Variants in SLC25A48 observed in about 807,000 individuals in gnomAD.
The protein encoded by SLC25A48 is solute carrier family 25 member 48, also known as CTC-321K16.1.
A neutral mutation model predicts 32.2 loss-of-function variants in SLC25A48; 29 were observed. That is an observed-to-expected ratio of 0.90 (90% CI 0.67 to 1.23). The LOEUF (loss-of-function observed/expected upper bound fraction) is 1.23, where lower values mean the gene tolerates loss of function less well. Ranked by LOEUF, SLC25A48 falls within the 50% of genes most tolerant of loss-of-function variation. SLC25A48 has a pLI of 0.00. For missense variants in SLC25A48, 399 were observed against 422.7 expected (o/e 0.94, Z 0.49); for synonymous variants, 164 against 172.3 (o/e 0.95, Z 0.38).
chr5:135,795,495 C>T lies in SLC25A48; in HGVS notation c.-520-17028C>T, dbSNP rs574948469. ...CCCATGGGGTGTGCACCCCTCCTGT[C>T]ATATTATTCCCAATATTTAGAGGAA... On this transcript the variant is annotated intron_variant, in intron 3 of 10. Transcript: ENST00000646290. Among the ~76,000 whole-genome samples, 8 of 151,820 alleles carry T rather than the reference C, an allele frequency of 5.3e-5. No homozygotes were observed. In the South Asian group the frequency reaches 1.7e-3, roughly 31 times the overall value.
intron 1 of SLC25A48, among the ~76,000 whole-genome samples, chr5:135,837,061 A>AT (rs11320274): frequency 2.0e-5 from 3 of 147,176 alleles, no homozygotes; most frequent in Non-Finnish European, 4.4e-5. Flanking sequence ...TTATAATCCC[A>AT]TTTTTTTAAA....
At chr5:135,581,689 T>C (rs1349096909) in intron 1 of SLC25A48, among the ~76,000 whole-genome samples, 1 of 152,200 alleles carries the variant, frequency 6.6e-6, no homozygotes, top group Non-Finnish European at 1.5e-5. Flanking sequence ...AGGTCAGACG[T>C]CCCAGTGTTT....
rs750116148 is a variant in SLC25A48, at chr5:135,852,554, T to A, written c.163-9T>A. ...TCCTCACGCCTCTTCCTTCTGGTTT[T>A]CACTGCAGATGTTCGGCTTCTTCAA... On this transcript the variant is annotated splice_polypyrimidine_tract_variant and intron_variant, in intron 3 of 7. Coordinates refer to ENST00000681962, the MANE Select transcript of SLC25A48 (RefSeq NM_001349336.2). 6.9e-6 allele frequency: 11 copies of A among 1,587,382 alleles called. No homozygotes were observed. The highest frequency in any genetic ancestry group is 1.3e-5 in the African/African-American group (1 of 74,478).
chr5:135,782,487 G>C (rs1369843892), intron 3 of SLC25A48, among the ~76,000 whole-genome samples: 2 of 116,500 alleles, frequency 1.7e-5, no homozygotes, highest in East Asian at 4.3e-4. Context: ...AATATTGCAG[G>C]GTGTGTACAA....
At chr5:135,772,745 G>A (rs1756446667) in intron 3 of SLC25A48, among the ~76,000 whole-genome samples, 1 of 151,568 alleles carries the variant, frequency 6.6e-6, no homozygotes, top group South Asian at 2.1e-4. Flanking sequence ...CGCAGATGGT[G>A]TGATATTTTT....
intron 3 of SLC25A48, among the ~76,000 whole-genome samples, chr5:135,793,569 C>T (rs1405759561): frequency 6.6e-6 from 1 of 151,722 alleles, no homozygotes; most frequent in Non-Finnish European, 1.5e-5. Flanking sequence ...CTCCTAATGT[C>T]ACATTGGGTT....
At chr5:135,753,668 A>T (rs1214941822) in intron 3 of SLC25A48, among the ~76,000 whole-genome samples, 1 of 151,962 alleles carries the variant, frequency 6.6e-6, no homozygotes, top group African/African-American at 2.4e-5. Flanking sequence ...CGAGGATATT[A>T]TGCCTAATAT....
intron 3 of SLC25A48, among the ~76,000 whole-genome samples, chr5:135,788,176 G>T (rs1190399731): frequency 6.6e-6 from 1 of 151,236 alleles, no homozygotes; most frequent in African/African-American, 2.4e-5. Flanking sequence ...GGGGGGAAGG[G>T]TGTTATTACT....
chr5:135,646,678 T>TATATATATATATATATATATACAC (rs966073970), intron 3 of SLC25A48, among the ~76,000 whole-genome samples: 1 of 136,754 alleles, frequency 7.3e-6, no homozygotes, highest in African/African-American at 2.7e-5. Context: ...TATATATATA[T>TATATATATATATATATATATACAC]ACAATGGGAA....
intron 3 of SLC25A48, among the ~76,000 whole-genome samples, chr5:135,796,370 T>G (rs1418350142): frequency 1.3e-5 from 2 of 148,290 alleles, no homozygotes; most frequent in African/African-American, 5.0e-5. Flanking sequence ...TAGGGGAGAG[T>G]GTGATATCAC....
rs750229968 is a variant in SLC25A48 at position 135,782,184 on chromosome 5, G to T, written c.-520-30339G>T. Reference sequence around the variant, plus strand: ...GGGAGACGATATTATTCCCAATATCGCAGGAAGTCTCCACCCTTCTTGTGA... The same window carrying T: ...GGGAGACGATATTATTCCCAATATCTCAGGAAGTCTCCACCCTTCTTGTGA... On this transcript the variant is annotated intron_variant, in intron 3 of 10. Coordinates refer to the SLC25A48 transcript ENST00000646290. 6.1e-5 allele frequency among the ~76,000 whole-genome samples: 7 copies of T among 115,276 alleles called. 3 individuals are homozygous for T. The highest frequency in any genetic ancestry group is 1.1e-4 in the Non-Finnish European group (5 of 46,630). The allele number at this position is 115,276 out of a possible 152,430, so 75.6% of individuals were successfully genotyped here.
chr5:135,696,719 A>T (rs375845775), intron 3 of SLC25A48, among the ~76,000 whole-genome samples: 12 of 152,046 alleles, frequency 7.9e-5, no homozygotes, highest in African/African-American at 2.9e-4. Context: ...GGCTTCATTC[A>T]CTCATTCCCT....
At chr5:135,671,999 A>G (rs3922358) in intron 3 of SLC25A48, among the ~76,000 whole-genome samples, 109,549 of 152,040 alleles carry the variant, frequency 0.72, 39,976 homozygotes, top group Middle Eastern at 0.82. Flanking sequence ...TTCCCAGAGG[A>G]ATTGGAGGTC....
At chr5:135,886,632 T>A (rs376881747) in intron 7 of SLC25A48, among the ~76,000 whole-genome samples, 190 of 18,800 alleles carry the variant, frequency 0.01, 24 homozygotes, top group African/African-American at 0.067. Context: ...TATATATATA[T>A]ATATAAAATA....
chr5:135,740,051 T>C (rs1252781734), intron 3 of SLC25A48, among the ~76,000 whole-genome samples: 2 of 152,184 alleles, frequency 1.3e-5, no homozygotes, highest in African/African-American at 4.8e-5. Context: ...CTAAACTATA[T>C]AGACAATCTG....
At chr5:135,873,223 G>T in intron 5 of SLC25A48, among the ~76,000 whole-genome samples, 1 of 152,320 alleles carries the variant, frequency 6.6e-6, no homozygotes, top group East Asian at 1.9e-4. Context: ...GGTCTCTTTT[G>T]AGAGCTACTG....
chr5:135,731,219 G>T (rs752447777), intron 3 of SLC25A48, among the ~76,000 whole-genome samples: 8 of 152,060 alleles, frequency 5.3e-5, no homozygotes, highest in African/African-American at 7.2e-5. Context: ...GCTCAATGGG[G>T]GAGATTTTGA....
chr5:135,766,920 C>T (rs1756247679), intron 3 of SLC25A48, among the ~76,000 whole-genome samples: 1 of 151,666 alleles, frequency 6.6e-6, no homozygotes, highest in South Asian at 2.1e-4. Flanking sequence ...TGATGTGGTT[C>T]ATAATATCCA....
At chr5:135,771,838 A>C (rs1040654303) in intron 3 of SLC25A48, among the ~76,000 whole-genome samples, 3 of 151,402 alleles carry the variant, frequency 2.0e-5, no homozygotes, top group Admixed American at 6.6e-5. Flanking sequence ...TATTACTCTC[A>C]ATATCTCAGG....
Sources: gnomAD v4.1 joint callset for allele counts (sites outside exome capture counted in the v4.1 genomes callset) on GRCh38, gnomAD v4.1.1 for gene constraint, MANE v1.5 for transcripts, NCBI Gene and HGNC (gene_info 2026-07-23, HGNC 2026-07-21) for gene names.